The following HCN1 variants were observed in gnomAD, a reference collection of about 807,000 sequenced individuals.
HCN1 encodes the protein potassium/sodium hyperpolarization-activated cyclic nucleotide-gated channel 1.
Under a neutral mutation model 78.9 loss-of-function variants are expected in HCN1, and 13 were observed. The observed-to-expected ratio is 0.16, with a 90% CI of 0.11 to 0.26. The LOEUF is 0.26. Ranked by LOEUF, HCN1 falls within the 10% of genes least tolerant of loss-of-function variation. The pLI is 1.00. For synonymous variants in HCN1, 552 were observed against 455.5 expected, an observed-to-expected ratio of 1.21 and a Z score of -2.70; for missense variants, 810 against 1,154.3, an observed-to-expected ratio of 0.70 and a Z score of 4.32.
chr5:45,664,635 A>G (rs13184268), intron 1 of HCN1, among the ~76,000 whole-genome samples: 1 of 151,866 alleles, frequency 6.6e-6, no homozygotes, highest in Admixed American at 6.6e-5. Flanking sequence ...AATAGTGGGC[A>G]AAGGACATGA....
At chr5:45,297,663 T>C (rs1745526864) in intron 6 of HCN1, among the ~76,000 whole-genome samples, 1 of 152,026 alleles carries the variant, frequency 6.6e-6, no homozygotes, top group Admixed American at 6.6e-5. Flanking sequence ...ATTACATGAA[T>C]AAAAATGCAT....
At chr5:45,492,874 C>T (rs963662516) in intron 2 of HCN1, among the ~76,000 whole-genome samples, 1 of 151,958 alleles carries the variant, frequency 6.6e-6, no homozygotes, top group Non-Finnish European at 1.5e-5. Flanking sequence ...TAGAAAAACT[C>T]TTTGAGGCAT....
chr5:45,373,457 T>C (rs961930206), intron 4 of HCN1, among the ~76,000 whole-genome samples: 3 of 138,216 alleles, frequency 2.2e-5, no homozygotes, highest in Non-Finnish European at 3.1e-5. Context: ...TAATTTATAT[T>C]ATATACATTA....
At chr5:45,524,479 C>A (rs1428957322) in intron 2 of HCN1, among the ~76,000 whole-genome samples, 6 of 152,274 alleles carry the variant, frequency 3.9e-5, no homozygotes, top group South Asian at 2.1e-4. Flanking sequence ...GATATTGATT[C>A]TTCCTACCCA....
chr5:45,564,663 C>T (rs1466590472), intron 2 of HCN1, among the ~76,000 whole-genome samples: 2 of 152,166 alleles, frequency 1.3e-5, no homozygotes, highest in African/African-American at 4.8e-5. Context: ...AGAGCAAATA[C>T]TCCTATTATC....
chr5:45,640,320 C>T (rs543060349), intron 2 of HCN1, among the ~76,000 whole-genome samples: 170 of 152,214 alleles, frequency 1.1e-3, no homozygotes, highest in African/African-American at 4.0e-3. Flanking sequence ...GATAAACATG[C>T]TCTGATTATT....
rs574296374 is a variant in HCN1, at chr5:45,432,891, G to C, written c.1011+28955C>G. 1.1e-4 allele frequency among the ~76,000 whole-genome samples: 16 copies of C among 152,170 alleles called. No homozygotes were observed. The South Asian group carries it at 3.3e-3, about 32-fold the overall frequency. ...TTCACATGGCTAGGGAGGCAAACGA[G>C]GTGTTTGCCTCATGGTGGAAGGCAG... On this transcript the variant is annotated intron_variant, in intron 3 of 7. Transcript: ENST00000303230.
Position 45,258,213 on chromosome 5 carries a change from A to C in HCN1, c.*3708T>G, listed in dbSNP as rs763242451. On this transcript the variant is annotated 3_prime_UTR_variant, in exon 8 of 8. Coordinates refer to ENST00000303230, the MANE Select transcript of HCN1 (RefSeq NM_021072.4). ...GATTTTTTAAATAGTCCTGAAAGAT[A>C]ATAGAGATTGCTCATAATTTGAAGT... 2.0e-5 allele frequency: 3 copies of C among 152,184 alleles called. No individual in the cohort carries two copies. Among genetic ancestry groups the C allele is most frequent in the Non-Finnish European group, 4.4e-5 (3 of 68,008 alleles). The allele number at this position is 152,184 out of a possible 1,614,324, so 9.4% of individuals were successfully genotyped here.
intron 2 of HCN1, among the ~76,000 whole-genome samples, chr5:45,607,170 A>G (rs1430121000): frequency 1.3e-5 from 2 of 151,858 alleles, no homozygotes; most frequent in Non-Finnish European, 2.9e-5. Flanking sequence ...AAATAACACG[A>G]TTTAAATAAC....
At chr5:45,533,266 A>G (rs911727559) in intron 2 of HCN1, among the ~76,000 whole-genome samples, 1 of 152,318 alleles carries the variant, frequency 6.6e-6, no homozygotes, top group South Asian at 2.1e-4. Context: ...CTTGTTCACT[A>G]TAACTCAAAA....
At chr5:45,451,400 G>A (rs1740916155) in intron 3 of HCN1, among the ~76,000 whole-genome samples, 1 of 152,030 alleles carries the variant, frequency 6.6e-6, no homozygotes, top group African/African-American at 2.4e-5. Context: ...TCCATTAAAT[G>A]TTACAGATTA....
chr5:45,303,883 C>T lies in HCN1; in HGVS notation c.1378-44G>A. 3 of 1,532,024 alleles carry T rather than the reference C, an allele frequency of 2.0e-6. No homozygotes were observed. In the South Asian group the frequency reaches 3.4e-5, roughly 17 times the overall value. 94.9% of individuals were successfully genotyped at this position (1,532,024 alleles called of 1,614,324 possible). On this transcript the variant is annotated intron_variant, in intron 5 of 7. Transcript: ENST00000303230. ...AACAAATATTAAGAGAGATATTAAT[C>T]ATATCTGGAAGAAAAACATGCTGAA...
intron 2 of HCN1, among the ~76,000 whole-genome samples, chr5:45,627,461 G>A (rs1282836296): frequency 1.3e-5 from 2 of 152,084 alleles, no homozygotes; most frequent in Non-Finnish European, 2.9e-5. Flanking sequence ...CATTATGGAC[G>A]AGGTGCAACC....
intron 6 of HCN1, among the ~76,000 whole-genome samples, chr5:45,272,817 G>A (rs1435067762): frequency 6.6e-6 from 1 of 151,840 alleles, no homozygotes; most frequent in African/African-American, 2.4e-5. Flanking sequence ...TTATAGATAT[G>A]CATGTTGATT....
rs1337631103 is a variant in HCN1, at chr5:45,261,314, G to A, written c.*607C>T. 6.5e-6 allele frequency: 1 copy of A among 152,696 alleles called. No individual in the cohort carries two copies. The highest frequency in any genetic ancestry group is 1.9e-4 in the East Asian group (1 of 5,202). The allele number at this position is 152,696 out of a possible 1,614,324, so 9.5% of individuals were successfully genotyped here. A position where few individuals can be genotyped will look rare whatever the true frequency, so the allele number is the denominator to read the frequency against. On this transcript the variant is annotated 3_prime_UTR_variant, in exon 8 of 8. Coordinates refer to ENST00000303230, the MANE Select transcript of HCN1 (RefSeq NM_021072.4). ...AGATCAATGAACATGTTTGAGGTTAGTGATATTCTTAACAAACAGTGGCAA... is the reference window on the plus strand; with the variant it reads ...AGATCAATGAACATGTTTGAGGTTAATGATATTCTTAACAAACAGTGGCAA...
chr5:45,295,499 T>A (rs533262609), intron 6 of HCN1, among the ~76,000 whole-genome samples: 15 of 152,000 alleles, frequency 9.9e-5, no homozygotes, highest in South Asian at 2.1e-4. Context: ...AGGTGGTGCA[T>A]GAGTCACATG....
chr5:45,645,196 G>GATGT lies in HCN1; in HGVS notation c.834_837dup (p.Gln280ThrfsTer12). On this transcript the variant is annotated frameshift_variant, in exon 2 of 8. Transcript: ENST00000303230. LOFTEE classifies it high-confidence loss of function. ...AAGATGCATCTTACCTCTTCCCATT[G>GATGT]ATGTATGTATCTAATTAACCTTGAA... 1 of 1,610,556 alleles carries GATGT rather than the reference G, an allele frequency of 6.2e-7. No homozygotes were observed. Among genetic ancestry groups the GATGT allele is most frequent in the South Asian group, 1.1e-5 (1 of 90,898 alleles).
chr5:45,584,319 A>C (rs1744152793), intron 2 of HCN1, among the ~76,000 whole-genome samples: 1 of 151,866 alleles, frequency 6.6e-6, no homozygotes, highest in East Asian at 1.9e-4. Context: ...TTGTTGGTTT[A>C]AAGTCTGTTT....
chr5:45,373,662 G>A lies in HCN1; in HGVS notation c.1231-20416C>T, dbSNP rs189608371. Among the ~76,000 whole-genome samples, 425 of 110,324 alleles carry A rather than the reference G, an allele frequency of 3.9e-3. 4 individuals are homozygous for A. The highest frequency in any genetic ancestry group is 0.015 in the African/African-American group (396 of 26,842). 72.4% of individuals were successfully genotyped at this position (110,324 alleles called of 152,430 possible). On this transcript the variant is annotated intron_variant, in intron 4 of 7. Transcript: ENST00000303230. ...ACGTCATCTATAATATATTACATAC[G>A]GTATATACGTCATCTATAATATATT...
Sources: gnomAD v4.1 joint callset for allele counts (sites outside exome capture counted in the v4.1 genomes callset) on GRCh38, gnomAD v4.1.1 for gene constraint, MANE v1.5 for transcripts, NCBI Gene and HGNC (gene_info 2026-07-23, HGNC 2026-07-21) for gene names.